Variants in ACP3 observed in about 807,000 individuals in gnomAD.
ACP3 encodes the protein acid phosphatase 3, also known as prostatic acid phosphatase.
In ACP3, 38 loss-of-function variants were observed where a neutral mutation model predicts 45.6. The observed-to-expected ratio is 0.83, with a 90% CI of 0.64 to 1.09. The LOEUF is 1.09. Ranked by LOEUF, ACP3 falls within the 50% of genes least tolerant of loss-of-function variation. ACP3 has a pLI of 0.00. For synonymous variants in ACP3, 162 were observed against 164.7 expected, an observed-to-expected ratio of 0.98 and a Z score of 0.13; for missense variants, 466 against 463.2, an observed-to-expected ratio of 1.01 and a Z score of -0.05.
intron 4 of ACP3, among the ~76,000 whole-genome samples, chr3:132,337,063 GGTGTGTGTGTGTGT>G (rs113543420): frequency 4.1e-5 from 6 of 144,996 alleles, no homozygotes; most frequent in East Asian, 2.0e-4. Flanking sequence ...CATGCGTTGG[GGTGTGTGTGTGTGT>G]GTGTGTGTGT....
chr3:132,346,719 T>C (rs1393010663), intron 7 of ACP3, among the ~76,000 whole-genome samples: 1 of 152,190 alleles, frequency 6.6e-6, no homozygotes, highest in Admixed American at 6.5e-5. Flanking sequence ...TGTGACTCAG[T>C]TGCAAGCCCC....
Position 132,346,953 on chromosome 3 carries a change from C to T in ACP3, c.781+1894C>T, listed in dbSNP as rs552131673. On this transcript the variant is annotated intron_variant, in intron 7 of 9. Transcript: ENST00000336375. ...ATACCAGACAGGAGTTGACAGTAGT[C>T]TAATAGTAGATGTAGGGATGTGTAT... 5.8e-4 allele frequency among the ~76,000 whole-genome samples: 89 copies of T among 152,346 alleles called. 1 individual carries two copies. Among genetic ancestry groups the T allele is most frequent in the African/African-American group, 2.1e-3 (88 of 41,582 alleles).
downstream of ACP3, among the ~76,000 whole-genome samples, chr3:132,363,607 A>G (rs1938082565): frequency 6.6e-6 from 1 of 152,146 alleles, no homozygotes; most frequent in South Asian, 2.1e-4. Flanking sequence ...ATGTATCTCC[A>G]CCATCCTATC....
At chr3:132,325,618 A>ACC (rs1937286087) in intron 1 of ACP3, among the ~76,000 whole-genome samples, 1 of 151,552 alleles carries the variant, frequency 6.6e-6, no homozygotes, top group African/African-American at 2.4e-5. Context: ...ACACACACAC[A>ACC]CCCCTTCCAA....
rs184168212 is a variant in ACP3, at chr3:132,339,121, T to G, written c.555+1567T>G. Among the ~76,000 whole-genome samples, 169 of 152,346 alleles carry G rather than the reference T, an allele frequency of 1.1e-3. 1 individual carries two copies. Among genetic ancestry groups the G allele is most frequent in the African/African-American group, 3.9e-3 (163 of 41,580 alleles). On this transcript the variant is annotated intron_variant, in intron 5 of 9. Transcript: ENST00000336375. ...GTTAAATGCCATTTATATTTCCTTT[T>G]ATATCAATATCCCTTGACTATTTTT... is the stretch of plus-strand genomic sequence containing the variant.
chr3:132,326,243 C>T (rs1335711652), intron 1 of ACP3, among the ~76,000 whole-genome samples: 1 of 152,140 alleles, frequency 6.6e-6, no homozygotes, highest in Non-Finnish European at 1.5e-5. Flanking sequence ...AAAATGTCAA[C>T]AATGCTGAGG....
chr3:132,349,014 C>CACACACACACACACACACA (rs1430253907), intron 7 of ACP3, among the ~76,000 whole-genome samples: 1 of 151,680 alleles, frequency 6.6e-6, no homozygotes. Flanking sequence ...CACACACACA[C>CACACACACACACACACACA]CCTAACACAC....
intron 1 of ACP3, among the ~76,000 whole-genome samples, chr3:132,322,346 TCCTTCTAA>T (rs927777987): frequency 1.3e-5 from 2 of 152,198 alleles, no homozygotes; most frequent in Non-Finnish European, 2.9e-5. Context: ...CAGCCAGCTT[TCCTTCTAA>T]CCTCTGAAAT....
intron 6 of ACP3, among the ~76,000 whole-genome samples, chr3:132,344,411 T>C (rs1937585040): frequency 6.6e-6 from 1 of 150,880 alleles, no homozygotes. Flanking sequence ...GCCACTGCAT[T>C]CCAGCCTTGG....
intron 9 of ACP3, among the ~76,000 whole-genome samples, chr3:132,355,125 T>G (rs972251737): frequency 1.2e-4 from 19 of 152,336 alleles, no homozygotes; most frequent in African/African-American, 4.6e-4. Context: ...AAGAGTGCTG[T>G]GCTCACTTGC....
intron 1 of ACP3, among the ~76,000 whole-genome samples, chr3:132,325,609 C>CACACACACACACACAT (rs1289865285): frequency 6.6e-6 from 1 of 152,014 alleles, no homozygotes; most frequent in African/African-American, 2.4e-5. Flanking sequence ...CACACACACA[C>CACACACACACACACAT]ACACACACAC....
At chr3:132,320,990 A>T (rs773422725) in intron 1 of ACP3, among the ~76,000 whole-genome samples, 1 of 152,164 alleles carries the variant, frequency 6.6e-6, no homozygotes, top group Non-Finnish European at 1.5e-5. Context: ...CCAAATTCTC[A>T]GCACATAATC....
chr3:132,352,765 A>G lies in ACP3; in HGVS notation c.910A>G (p.Asn304Asp). 1 of 1,614,012 alleles carries G rather than the reference A, an allele frequency of 6.2e-7. No individual in the cohort carries two copies. The highest frequency in any genetic ancestry group is 1.6e-4 in the Middle Eastern group (1 of 6,062). Residue 304 changes from asparagine (N) to aspartate (D), a missense_variant, in exon 9 of 10, where the codon AAC becomes GAC. Physicochemically the swap from Asn to Asp is conservative, Grantham distance 23. Transcript: ENST00000336375. ...SGLQMALDVYNGLLPPYASCH... is the reference protein window; with the variant it reads ...SGLQMALDVYDGLLPPYASCH... Reference sequence around the variant, plus strand: ...CCTACAGATGGCGCTAGATGTTTACAACGGACTCCTTCCTCCCTATGCTTC... The same window carrying G: ...CCTACAGATGGCGCTAGATGTTTACGACGGACTCCTTCCTCCCTATGCTTC...
At chr3:132,366,330 G>A (rs1009095354) in intron 10 of ACP3, among the ~76,000 whole-genome samples, 3 of 151,628 alleles carry the variant, frequency 2.0e-5, no homozygotes, top group Non-Finnish European at 2.9e-5. Context: ...AAAGGAGAAA[G>A]GATAGATAGA....
chr3:132,351,226 G>T (rs912802368), intron 8 of ACP3, among the ~76,000 whole-genome samples: 3 of 152,188 alleles, frequency 2.0e-5, no homozygotes, highest in African/African-American at 7.2e-5. Flanking sequence ...CTCAAAGTTG[G>T]AGCTACATTT....
In ACP3 at chr3:132,356,824, C is replaced by T; in HGVS notation, c.1107C>T (p.Ser369=). 2 of 1,614,132 alleles carry T rather than the reference C, an allele frequency of 1.2e-6. No homozygotes were observed. Among genetic ancestry groups the T allele is most frequent in the Non-Finnish European group, 1.7e-6 (2 of 1,180,030 alleles). ...LVGPVIPQDW[S]TECMTTNSHQ... ...GCCCTGTGATCCCTCAAGACTGGTCCACGGAGTGTATGACCACAAACAGCC... is the reference window on the plus strand; with the variant it reads ...GCCCTGTGATCCCTCAAGACTGGTCTACGGAGTGTATGACCACAAACAGCC... The change falls in exon 10 of 10, where the codon TCC becomes TCT. Residue 369 remains serine, a synonymous_variant. Coordinates refer to ENST00000336375, the MANE Select transcript of ACP3 (RefSeq NM_001099.5).
chr3:132,341,416 AATGATTGATTACATTC>A (rs1937551695), intron 5 of ACP3, among the ~76,000 whole-genome samples: 1 of 152,196 alleles, frequency 6.6e-6, no homozygotes, highest in Non-Finnish European at 1.5e-5. Context: ...GATTAATTAC[AATGATTGATTACATTC>A]ATAGATTTAC....
At chr3:132,333,700 G>T (rs940204406) in intron 4 of ACP3, among the ~76,000 whole-genome samples, 5 of 152,122 alleles carry the variant, frequency 3.3e-5, no homozygotes, top group African/African-American at 1.2e-4. Flanking sequence ...GAAGTATTGT[G>T]ATTACCAGTG....
downstream of ACP3, among the ~76,000 whole-genome samples, chr3:132,359,568 A>G (rs1321642170): frequency 6.6e-6 from 1 of 152,100 alleles, no homozygotes; most frequent in African/African-American, 2.4e-5. Flanking sequence ...ACTCTTGTCT[A>G]TCTTGATGAG....
Sources: gnomAD v4.1 joint callset for allele counts (sites outside exome capture counted in the v4.1 genomes callset) on GRCh38, gnomAD v4.1.1 for gene constraint, MANE v1.5 for transcripts, NCBI Gene and HGNC (gene_info 2026-07-23, HGNC 2026-07-21) for gene names.